The following ZNF283 variants were observed in gnomAD, a reference collection of about 807,000 sequenced individuals.
ZNF283 encodes zinc finger protein 41.
Under a neutral mutation model 9.2 loss-of-function variants are expected in ZNF283, and 10 were observed. The observed-to-expected ratio is 1.09, with a 90% confidence interval of 0.67 to 1.85. The LOEUF is 1.85. ZNF283 is among the 40% of genes most tolerant of loss of function. ZNF283 has a pLI of 0.00. For synonymous variants in ZNF283, 234 were observed against 244.1 expected (o/e 0.96, Z 0.38); for missense variants, 631 against 760.1 (o/e 0.83, Z 2.00).
intron 6 of ZNF283, among the ~76,000 whole-genome samples, chr19:43,845,733 T>C (rs1971376255): frequency 6.6e-6 from 1 of 152,126 alleles, no homozygotes; most frequent in African/African-American, 2.4e-5. Flanking sequence ...TACTCCAAGA[T>C]CATCATTTTC....
At chr19:43,845,009 G>C (rs945043377) in intron 6 of ZNF283, among the ~76,000 whole-genome samples, 1 of 152,062 alleles carries the variant, frequency 6.6e-6, no homozygotes, top group Non-Finnish European at 1.5e-5. Context: ...TTAAACCTAG[G>C]TACACAATCT....
chr19:43,833,724 ACC>A (rs1216564615), intron 4 of ZNF283, 98 bp downstream of exon 4: 1 of 152,248 alleles, frequency 6.6e-6, no homozygotes, highest in African/African-American at 2.4e-5. Flanking sequence ...CTCGTGATCC[ACC>A]CACCTCGGCT....
intron 6 of ZNF283, among the ~76,000 whole-genome samples, chr19:43,842,542 A>G (rs556354278): frequency 2.4e-4 from 36 of 152,268 alleles, no homozygotes; most frequent in Admixed American, 1.0e-3. Flanking sequence ...TTGATTTTTG[A>G]AGGCAGGTAC....
In ZNF283 at chr19:43,847,157, C is replaced by A. The variant is rs548513669; in HGVS notation, c.556C>A (p.Pro186Thr). The change falls in exon 7 of 7, where the codon CCT (proline) becomes ACT (threonine). Residue 186 changes from proline (P) to threonine (T), a missense_variant. Coordinates refer to ENST00000618787, the MANE Select transcript of ZNF283 (RefSeq NM_181845.2). ...SQMIISYEKI[P>T]SYRKSKSLTP... Reference sequence around the variant, plus strand: ...AATGATAATCAGCTATGAAAAAATACCTTCTTACAGAAAAAGTAAATCTCT... The same window carrying A: ...AATGATAATCAGCTATGAAAAAATAACTTCTTACAGAAAAAGTAAATCTCT... 1 of 1,613,480 alleles carries A rather than the reference C, an allele frequency of 6.2e-7. No individual in the cohort carries two copies. Among genetic ancestry groups the A allele is most frequent in the Admixed American group, 1.7e-5 (1 of 59,932 alleles).
chr19:43,835,336 A>G (rs978797124), intron 4 of ZNF283, among the ~76,000 whole-genome samples, 169 bp from the exon 5 acceptor site: 2 of 151,976 alleles, frequency 1.3e-5, no homozygotes, highest in Non-Finnish European at 2.9e-5. Flanking sequence ...ACTGCCAGAA[A>G]CCTCCCTGCT....
At chr19:43,843,113 C>A (rs536576832) in intron 6 of ZNF283, among the ~76,000 whole-genome samples, 1 of 152,072 alleles carries the variant, frequency 6.6e-6, no homozygotes, top group Non-Finnish European at 1.5e-5. Context: ...GAGGCCAAGG[C>A]GGACAGATCA....
intron 6 of ZNF283, among the ~76,000 whole-genome samples, chr19:43,843,607 G>A (rs553995707): frequency 6.6e-6 from 1 of 152,240 alleles, no homozygotes; most frequent in South Asian, 2.1e-4. Context: ...TATGAGATGG[G>A]TGGTAATATT....
At chr19:43,836,918 C>T (rs1314343588) in intron 5 of ZNF283, 135 bp from the exon 6 acceptor site, 2 of 918,954 alleles carry the variant, frequency 2.2e-6, no homozygotes, top group Non-Finnish European at 3.3e-6. Flanking sequence ...TTTTTCCTAC[C>T]TATATCAGAG....
At chr19:43,841,845 T>C (rs1480558985) in intron 6 of ZNF283, among the ~76,000 whole-genome samples, 2 of 152,234 alleles carry the variant, frequency 1.3e-5, no homozygotes, top group Non-Finnish European at 2.9e-5. Context: ...AACTCTATTG[T>C]ATATAATGAT....
At position 43,836,406 on chromosome 19, in the gene ZNF283, A is replaced by G. The variant is rs141772750; in HGVS notation, c.211-647A>G. 7.2e-5 allele frequency among the ~76,000 whole-genome samples: 11 copies of G among 152,270 alleles called. No individual in the cohort carries two copies. In the East Asian group the frequency reaches 1.5e-3, roughly 21 times the overall value. ...ACCCAGGCTGGAGTGCAGTGGCACA[A>G]TCTCGGCTCACTGCAACTTCTCCCT... On this transcript the variant is annotated intron_variant, in intron 5 of 6. Transcript: ENST00000618787.
intron 6 of ZNF283, among the ~76,000 whole-genome samples, chr19:43,846,037 C>T (rs349040): frequency 0.34 from 52,198 of 151,926 alleles, 9,166 homozygotes; most frequent in African/African-American, 0.38. Context: ...AAAAATAACT[C>T]AAAATATTTG....
chr19:43,839,335 G>C lies in ZNF283; in HGVS notation c.337+2156G>C, dbSNP rs376598. Among the ~76,000 whole-genome samples the C allele has an allele frequency of 8.3e-3, 1,257 of 151,804 alleles. 14 individuals carry two copies. Among genetic ancestry groups the C allele is most frequent in the African/African-American group, 0.029 (1,202 of 41,400 alleles). The stretch of plus-strand genomic sequence containing the variant: ...GCTGTTAATCTTGTTGCAGATTCTT[G>C]TATGTGGTAGGCTGCTGCTTTCTTC... On this transcript the variant is annotated intron_variant, in intron 6 of 6. Transcript: ENST00000618787.
intron 6 of ZNF283, among the ~76,000 whole-genome samples, chr19:43,842,274 T>C (rs1017479653): frequency 1.3e-5 from 2 of 152,306 alleles, no homozygotes; most frequent in Non-Finnish European, 2.9e-5. Flanking sequence ...GCCTATCCAA[T>C]AAAGATTTCA....
chr19:43,834,149 C>G (rs546254561), intron 4 of ZNF283, among the ~76,000 whole-genome samples: 1 of 152,210 alleles, frequency 6.6e-6, no homozygotes, highest in South Asian at 2.1e-4. Context: ...TCAGGTGATT[C>G]AGTTATCTGG....
chr19:43,831,437 G>A, intron 3 of ZNF283, 56 bp downstream of exon 3: 81 of 1,422,100 alleles, frequency 5.7e-5, no homozygotes, highest in Non-Finnish European at 7.8e-5. Context: ...CGTTTGTTCA[G>A]TTTTCTTAAT....
chr19:43,832,070 A>T (rs1188240105), intron 3 of ZNF283, among the ~76,000 whole-genome samples: 1 of 152,144 alleles, frequency 6.6e-6, no homozygotes, highest in African/African-American at 2.4e-5. Flanking sequence ...TGAAAAAAAA[A>T]TCCAACCCAG....
Position 43,851,860 on chromosome 19 carries a change from T to G in ZNF283, c.*3219T>G, listed in dbSNP as rs1054072693. 4 of 152,254 alleles carry G rather than the reference T, an allele frequency of 2.6e-5. No individual in the cohort carries two copies. The highest frequency in any genetic ancestry group is 9.6e-5 in the African/African-American group (4 of 41,472). The allele number at this position is 152,254 out of a possible 1,614,324, so 9.4% of individuals were successfully genotyped here. ...TCTTTGTAGGTGGGTGAAATTGCAT[T>G]GGGAACTGCTGCTATAACCAAAAGA... On this transcript the variant is annotated 3_prime_UTR_variant, in exon 7 of 7. Transcript: ENST00000618787.
chr19:43,828,606 GGTGTTAT>G, intron 2 of ZNF283, among the ~76,000 whole-genome samples: 1 of 152,198 alleles, frequency 6.6e-6, no homozygotes, highest in East Asian at 1.9e-4. Flanking sequence ...GTAATTAGGT[GGTGTTAT>G]ATAAACATTA....
chr19:43,836,990 CT>C, intron 5 of ZNF283, 62 bp from the exon 6 acceptor site: 1 of 1,587,466 alleles, frequency 6.3e-7, no homozygotes, highest in South Asian at 1.1e-5. Context: ...TTTGTACCCT[CT>C]TTTTTCCTCT....
Sources: gnomAD v4.1 joint callset for allele counts (sites outside exome capture counted in the v4.1 genomes callset) on GRCh38, gnomAD v4.1.1 for gene constraint, MANE v1.5 for transcripts, NCBI Gene and HGNC (gene_info 2026-07-23, HGNC 2026-07-21) for gene names.